The following MSH6 variants were observed in gnomAD, a reference collection of about 807,000 sequenced individuals.
MSH6 encodes the protein mutS homolog 6.
MSH6 carries 85 observed loss-of-function variants against 119.1 expected under a neutral mutation model. The observed-to-expected ratio is 0.71, with a 90% confidence interval of 0.60 to 0.85. The LOEUF (loss-of-function observed/expected upper bound fraction) is 0.85. Ranked by LOEUF, MSH6 falls within the 40% of genes least tolerant of loss-of-function variation. The pLI, the probability that MSH6 is intolerant of heterozygous loss-of-function variation, is 0.00. For missense variants in MSH6, 2,163 were observed against 1,655.3 expected (o/e 1.31, Z -5.32); for synonymous variants, 830 against 586.9 (o/e 1.41, Z -5.99).
At chr2:47,783,596 G>A (rs1181234946) in intron 1 of MSH6, 103 bp downstream of exon 1, 9 of 1,214,374 alleles carry the variant, frequency 7.4e-6, no homozygotes, top group Admixed American at 3.5e-5. Context: ...TGCACGGCCT[G>A]GCCCTGGGCT....
intron 8 of MSH6, 26 bp from the exon 9 acceptor site, chr2:47,806,426 T>C: frequency 1.9e-6 from 3 of 1,613,860 alleles, no homozygotes; most frequent in Non-Finnish European, 2.5e-6. Flanking sequence ...CTAGCACATG[T>C]ATCGCTAATA....
At chr2:47,797,004 G>GA (rs914581308) in intron 3 of MSH6, among the ~76,000 whole-genome samples, 16 of 152,092 alleles carry the variant, frequency 1.1e-4, no homozygotes, top group African/African-American at 3.1e-4. Context: ...TTATAGAAGT[G>GA]AAAAAAATTG....
chr2:47,798,603 C>T lies in MSH6; in HGVS notation c.628-8C>T, dbSNP rs767991179. The stretch of plus-strand genomic sequence containing the variant: ...TTTGTTTTTAAATACTCTTTCCTTG[C>T]CTGGCAGGTAGGCACAACTTACGTA... On this transcript the variant is annotated splice_region_variant and splice_polypyrimidine_tract_variant and intron_variant, in intron 3 of 9. Transcript: ENST00000234420. The T allele has an allele frequency of 1.1e-5, 17 of 1,608,252 alleles. No individual in the cohort carries two copies. Among genetic ancestry groups the T allele is most frequent in the South Asian group, 6.6e-5 (6 of 91,026 alleles).
intron 9 of MSH6, 42 bp downstream of exon 9, chr2:47,806,693 A>AAGTTTCAAAGAAACAGT: frequency 6.3e-7 from 1 of 1,589,000 alleles, no homozygotes; most frequent in Non-Finnish European, 8.6e-7. Context: ...AACTGACCTT[A>AAGTTTCAAAGAAACAGT]AGTTTCAAAG....
At chr2:47,809,472 C>A, downstream of MSH6, 1 of 754,834 alleles carries the variant, frequency 1.3e-6, no homozygotes, top group Middle Eastern at 3.0e-4. Context: ...AGCTCTGTTT[C>A]TTTCAAAATC....
intron 2 of MSH6, among the ~76,000 whole-genome samples, chr2:47,795,390 T>C (rs1422273375): frequency 6.6e-6 from 1 of 150,576 alleles, no homozygotes; most frequent in Non-Finnish European, 1.5e-5. Flanking sequence ...ATGTTGTAGG[T>C]TGAGTCAAGT....
At chr2:47,790,357 C>G (rs911376224) in intron 1 of MSH6, among the ~76,000 whole-genome samples, 2 of 152,070 alleles carry the variant, frequency 1.3e-5, no homozygotes, top group Non-Finnish European at 2.9e-5. Context: ...CGGGGAGGCA[C>G]GTTACGCCCT....
intron 2 of MSH6, among the ~76,000 whole-genome samples, chr2:47,795,514 G>A (rs893830858): frequency 1.3e-5 from 2 of 149,338 alleles, no homozygotes; most frequent in Non-Finnish European, 3.0e-5. Context: ...CGCCCAGGCT[G>A]GAGTGAAGTG....
downstream of MSH6, chr2:47,809,571 A>G: frequency 1.4e-6 from 2 of 1,475,258 alleles, no homozygotes; most frequent in Non-Finnish European, 1.9e-6. Context: ...TATTGCATAT[A>G]TTTATAGGTA....
At chr2:47,803,347 A>G in intron 4 of MSH6, 73 bp from the exon 5 acceptor site, 1 of 1,575,262 alleles carries the variant, frequency 6.3e-7, no homozygotes, top group Non-Finnish European at 8.7e-7. Context: ...TTATATAAAG[A>G]AGACCTATAA....
rs761458936 is a variant in MSH6, at chr2:47,805,664, C to T, written c.3603C>T (p.Leu1201=). 2.5e-6 allele frequency: 4 copies of T among 1,613,414 alleles called. No individual in the cohort carries two copies. The highest frequency in any genetic ancestry group is 1.3e-5 in the African/African-American group (1 of 74,934). ...AATTAAGTGAAACTGCCAGCATACT[C>T]ATGCATGCAACAGCACATTCTCTGG... ...FVELSETASI[L]MHATAHSLVL... is the part of the protein sequence containing the mutation. The change falls in exon 7 of 10, where the codon CTC becomes CTT. Residue 1201 remains leucine, a synonymous_variant. Transcript: ENST00000234420.
At chr2:47,795,582 C>T (rs1234629064) in intron 2 of MSH6, among the ~76,000 whole-genome samples, 4 of 151,716 alleles carry the variant, frequency 2.6e-5, no homozygotes, top group African/African-American at 9.7e-5. Context: ...CTTCCCACCT[C>T]AGCCTCCCAA....
rs3136315 is a variant in MSH6 at position 47,795,621 on chromosome 2, A to G, written c.458-273A>G. On this transcript the variant is annotated intron_variant, in intron 2 of 9. Coordinates refer to ENST00000234420, the MANE Select transcript of MSH6 (RefSeq NM_000179.3). ...GCTGGGACTACAGGCGCACACCACCACCCTTGGCTAATTTTTGTATTTTTT... is the reference window on the plus strand; with the variant it reads ...GCTGGGACTACAGGCGCACACCACCGCCCTTGGCTAATTTTTGTATTTTTT... Among the ~76,000 whole-genome samples, 21,714 of 149,954 alleles carry G rather than the reference A, an allele frequency of 0.14. 1,778 individuals carry two copies. The highest frequency in any genetic ancestry group is 0.19 in the Non-Finnish European group (12,604 of 67,560).
chr2:47,806,985 ACCCT>A, downstream of MSH6: 9 of 775,424 alleles, frequency 1.2e-5, no homozygotes, highest in Non-Finnish European at 2.0e-5. Context: ...AGGAAATTAA[ACCCT>A]TTTAATTCTT....
In MSH6 at chr2:47,799,873, A is replaced by C. The variant is rs1468271394; in HGVS notation, c.1890A>C (p.Ala630=). 20 of 1,614,218 alleles carry C rather than the reference A, an allele frequency of 1.2e-5. No homozygotes were observed. Among genetic ancestry groups the C allele is most frequent in the Non-Finnish European group, 1.5e-5 (18 of 1,180,040 alleles). The change falls in exon 4 of 10, where the codon GCA becomes GCC. Residue 630 remains alanine (A), a synonymous_variant. Transcript: ENST00000234420. ...GLIPGSQFWD[A]SKTLRTLLEE... is the part of the protein sequence containing the mutation. Reference sequence around the variant, plus strand: ...TACCCGGCTCCCAGTTTTGGGATGCATCCAAAACTTTGAGAACTCTCCTTG... The same window carrying C: ...TACCCGGCTCCCAGTTTTGGGATGCCTCCAAAACTTTGAGAACTCTCCTTG...
At chr2:47,804,250 A>G (rs1669808440) in intron 5 of MSH6, among the ~76,000 whole-genome samples, 1 of 152,166 alleles carries the variant, frequency 6.6e-6, no homozygotes, top group South Asian at 2.1e-4. Flanking sequence ...AGCTGGGACT[A>G]CAGATGTACA....
At position 47,783,403 on chromosome 2, in the gene MSH6, C is replaced by G. The variant is rs1064793657; in HGVS notation, c.170C>G (p.Pro57Arg). ...GCCTGGAGCGAGGCTGGGCCTGGGCCCAGGCCCTTGGCGCGCTCCGCGTCA... is the reference window on the plus strand; with the variant it reads ...GCCTGGAGCGAGGCTGGGCCTGGGCGCAGGCCCTTGGCGCGCTCCGCGTCA... ...DAAWSEAGPG[P>R]RPLARSASPP... Residue 57 changes from proline (P) to arginine (R), a missense_variant, in exon 1 of 10, where the codon CCC becomes CGC. By Grantham distance (103) the Pro-to-Arg change is moderately radical. Transcript: ENST00000234420. 5.8e-6 allele frequency: 9 copies of G among 1,552,124 alleles called. No homozygotes were observed. Among genetic ancestry groups the G allele is most frequent in the South Asian group, 2.3e-5 (2 of 85,138 alleles).
At chr2:47,783,907 G>GGGCGGGGTGGCGGGA in intron 1 of MSH6, 1 of 1,018,268 alleles carries the variant, frequency 9.8e-7, no homozygotes, top group South Asian at 4.7e-5. Flanking sequence ...GCGGGGCGGG[G>GGGCGGGGTGGCGGGA]GGCGGGGTGG....
chr2:47,785,949 ACTAGGTTT>A (rs745648704), intron 1 of MSH6, among the ~76,000 whole-genome samples: 10 of 152,242 alleles, frequency 6.6e-5, no homozygotes, highest in Non-Finnish European at 1.5e-4. Flanking sequence ...GGCATTTGAT[ACTAGGTTT>A]CTAAAGAAAC....
Sources: allele counts gnomAD v4.1 joint callset (sites outside exome capture counted in the v4.1 genomes callset), GRCh38; gene constraint gnomAD v4.1.1; transcripts MANE v1.5; gene names NCBI Gene and HGNC (gene_info 2026-07-23, HGNC 2026-07-21).